Variants in DRAP1 observed in about 807,000 individuals in gnomAD.
DRAP1 encodes dr1-associated corepressor.
A neutral mutation model predicts 24.1 loss-of-function variants in DRAP1; 10 were observed. The ratio of observed to expected loss-of-function variants is 0.41; its 90% CI spans 0.26 to 0.70. The LOEUF is 0.70. Among genes scored for constraint, DRAP1 ranks in the 30% least tolerant of loss-of-function variants. DRAP1 has a pLI of 0.29. For missense variants in DRAP1, 264 were observed against 275.6 expected (o/e 0.96, Z 0.30); for synonymous variants, 122 against 113.8 (o/e 1.07, Z -0.46).
chr11:65,919,656 C>T lies in DRAP1; in HGVS notation c.42+113C>T, dbSNP rs1017592382. The T allele has an allele frequency of 7.9e-6, 12 of 1,513,506 alleles. 1 individual carries two copies. The South Asian group carries it at 1.2e-4, about 15-fold the overall frequency. The allele number at this position is 1,513,506 out of a possible 1,614,324, so 93.8% of individuals were successfully genotyped here. On this transcript the variant is annotated intron_variant, in intron 1 of 6. Coordinates refer to ENST00000312515, the MANE Select transcript of DRAP1 (RefSeq NM_006442.4). ...GTGTTCGGGGGCCTGGACGCCCCGCCCCCTCCATGCCCTCCCCGCGTCCGT... is the reference window on the plus strand; with the variant it reads ...GTGTTCGGGGGCCTGGACGCCCCGCTCCCTCCATGCCCTCCCCGCGTCCGT...
At chr11:65,920,180 T>C (rs1215922410) in intron 3 of DRAP1, 139 bp downstream of exon 3, 3 of 1,423,112 alleles carry the variant, frequency 2.1e-6, no homozygotes, top group Non-Finnish European at 2.9e-6. Flanking sequence ...GAGGAGAGGC[T>C]GGGCTTCCAG....
chr11:65,919,878 C>A, intron 2 of DRAP1, 26 bp downstream of exon 2: 2 of 1,613,288 alleles, frequency 1.2e-6, no homozygotes, highest in Non-Finnish European at 1.7e-6. Context: ...CGGACCGGGT[C>A]GAGGGGCGTG....
At chr11:65,921,269 T>C in intron 6 of DRAP1, 61 bp from the exon 7 acceptor site, 1 of 1,011,464 alleles carries the variant, frequency 9.9e-7, no homozygotes, top group Non-Finnish European at 1.5e-6. Context: ...TCTTGGCAGC[T>C]GCCCCTGTGG....
In DRAP1 at chr11:65,920,745, C is replaced by T. The variant is rs1854540033; in HGVS notation, c.423+83C>T. The T allele has an allele frequency of 2.8e-6, 4 of 1,445,700 alleles. No individual in the cohort carries two copies. In the African/African-American group the frequency reaches 4.4e-5, roughly 16 times the overall value. The allele number at this position is 1,445,700 out of a possible 1,614,324, so 89.6% of individuals were successfully genotyped here. ...CCAGGCTGAACTGGCAGGAGGCCAG[C>T]TCTCATCCTTTTCTGCAACCTGTTT... is the stretch of plus-strand genomic sequence containing the variant. On this transcript the variant is annotated intron_variant, in intron 5 of 6. Coordinates refer to ENST00000312515, the MANE Select transcript of DRAP1 (RefSeq NM_006442.4).
intron 6 of DRAP1, 162 bp downstream of exon 6, chr11:65,921,134 A>G: frequency 1.4e-6 from 1 of 691,736 alleles, no homozygotes; most frequent in Non-Finnish European, 2.4e-6. Context: ...TTCTCCCGAA[A>G]GATCCTGCTC....
intron 5 of DRAP1, 73 bp from the exon 6 acceptor site, chr11:65,920,811 C>T (rs748515357): frequency 4.0e-6 from 6 of 1,511,902 alleles, no homozygotes; most frequent in Non-Finnish European, 2.7e-6. Context: ...TGAGGGTCTA[C>T]TGCTGTCCCT....
intron 6 of DRAP1, 117 bp from the exon 7 acceptor site, chr11:65,921,213 T>C (rs1282124853): frequency 8.1e-6 from 6 of 742,852 alleles, no homozygotes; most frequent in Non-Finnish European, 1.3e-5. Flanking sequence ...CTTGGCCGCA[T>C]GGATCTGGAG....
At chr11:65,919,582 T>C (rs369509341) in intron 1 of DRAP1, 39 bp downstream of exon 1, 2 of 1,547,670 alleles carry the variant, frequency 1.3e-6, no homozygotes. Context: ...TGGGCCCGGC[T>C]CCCGGGTGGC....
chr11:65,920,088 G>C, intron 3 of DRAP1, 47 bp downstream of exon 3: 1 of 1,593,280 alleles, frequency 6.3e-7, no homozygotes, highest in Non-Finnish European at 8.6e-7. Flanking sequence ...GGCGCGGGGA[G>C]TTCACACACT....
At position 65,921,458 on chromosome 11, in the gene DRAP1, A is replaced by C; in HGVS notation, c.*23A>C. 3.9e-6 allele frequency: 5 copies of C among 1,289,204 alleles called. No individual in the cohort carries two copies. The highest frequency in any genetic ancestry group is 5.6e-6 in the Non-Finnish European group (5 of 892,112). 79.9% of individuals were successfully genotyped at this position (1,289,204 alleles called of 1,614,324 possible). On this transcript the variant is annotated 3_prime_UTR_variant, in exon 7 of 7. Transcript: ENST00000312515. ...TAGCGCCTTCTGCCCCCCAGACCATAGCCCCTTTTAGTTGGTTTTAGTTGC... is the reference window on the plus strand; with the variant it reads ...TAGCGCCTTCTGCCCCCCAGACCATCGCCCCTTTTAGTTGGTTTTAGTTGC...
intron 5 of DRAP1, 86 bp downstream of exon 5, chr11:65,920,748 TCA>T: frequency 7.0e-7 from 1 of 1,427,012 alleles, no homozygotes; most frequent in Non-Finnish European, 9.2e-7. Flanking sequence ...AGGCCAGCTC[TCA>T]TCCTTTTCTG....
Position 65,920,617 on chromosome 11 carries a change from G to C in DRAP1, c.378G>C (p.Thr126=), listed in dbSNP as rs138940221. The change falls in exon 5 of 7, where the codon ACG becomes ACC. Residue 126 remains threonine, a synonymous_variant. Transcript: ENST00000312515. ...SGGRKNGGMG[T]KSKDKKLSGT... ...GCCGGAAGAACGGTGGGATGGGAAC[G>C]AAAAGCAAGGACAAGAAGCTGTCCG... is the stretch of plus-strand genomic sequence containing the variant. 6.5e-7 allele frequency: 1 copy of C among 1,544,260 alleles called. No individual in the cohort carries two copies. The highest frequency in any genetic ancestry group is 1.4e-5 in the African/African-American group (1 of 73,226).
Position 65,919,964 on chromosome 11 carries a change from C to T in DRAP1, c.132C>T (p.Leu44=), listed in dbSNP as rs1187589507. The T allele has an allele frequency of 1.9e-6, 3 of 1,613,756 alleles. No homozygotes were observed. Among genetic ancestry groups the T allele is most frequent in the Admixed American group, 1.7e-5 (1 of 60,004 alleles). Residue 44 remains leucine, a synonymous_variant, in exon 3 of 7, where the codon CTC becomes CTT. Transcript: ENST00000312515. ...GCTCCTCAGCCCGGGCGCTCGAGCTCTTCCTAGAGTCGCTGTTGAAGAAGG... is the reference window on the plus strand; with the variant it reads ...GCTCCTCAGCCCGGGCGCTCGAGCTTTTCCTAGAGTCGCTGTTGAAGAAGG... ...VPVIISRALE[L]FLESLLKKAC...
chr11:65,920,224 C>T, intron 3 of DRAP1, 119 bp from the exon 4 acceptor site: 4 of 1,518,336 alleles, frequency 2.6e-6, no homozygotes, highest in Non-Finnish European at 3.6e-6. Flanking sequence ...GCAGGGCAGG[C>T]CCGGGAGCGG....
chr11:65,919,676 G>T, intron 1 of DRAP1, 104 bp from the exon 2 acceptor site: 1 of 1,526,346 alleles, frequency 6.6e-7, no homozygotes, highest in Non-Finnish European at 8.9e-7. Flanking sequence ...CCCTCCCCGC[G>T]TCCGTGTCCC....
At position 65,919,859 on chromosome 11, in the gene DRAP1, T is replaced by C; in HGVS notation, c.115+7T>C. ...GCGGTGCCTGTCATCATCTGTATCCTGCCGGGGGCGGACCGGGTCGAGGGG... is the reference window on the plus strand; with the variant it reads ...GCGGTGCCTGTCATCATCTGTATCCCGCCGGGGGCGGACCGGGTCGAGGGG... On this transcript the variant is annotated splice_region_variant and intron_variant, in intron 2 of 6. Coordinates refer to ENST00000312515, the MANE Select transcript of DRAP1 (RefSeq NM_006442.4). 6.2e-7 allele frequency: 1 copy of C among 1,613,100 alleles called. No individual in the cohort carries two copies. The highest frequency in any genetic ancestry group is 8.5e-7 in the Non-Finnish European group (1 of 1,179,906).
chr11:65,919,612 G>A, intron 1 of DRAP1, 69 bp downstream of exon 1: 2 of 1,543,298 alleles, frequency 1.3e-6, no homozygotes, highest in East Asian at 2.5e-5. Context: ...GTTCCCGCTG[G>A]GCAGGCGGGC....
At position 65,921,399 on chromosome 11, in the gene DRAP1, AC is replaced by A; in HGVS notation, c.584del (p.Pro195LeufsTer23). 1 of 1,610,600 alleles carries A rather than the reference AC, an allele frequency of 6.2e-7. No homozygotes were observed. The highest frequency in any genetic ancestry group is 8.5e-7 in the Non-Finnish European group (1 of 1,177,338). Reference sequence around the variant, plus strand: ...CCCCAGCGCCCCCGGGCCCCTCAGCACCTGATGAAGAGGACGAAGAAGATTA... The same window carrying A: ...CCCCAGCGCCCCCGGGCCCCTCAGCACTGATGAAGAGGACGAAGAAGATTA... ...LPPAPPGPSA[P>X]DEEDEEDYDS On this transcript the variant is annotated frameshift_variant, in exon 7 of 7. Transcript: ENST00000312515. LOFTEE classifies it high-confidence loss of function.
chr11:65,920,744 G>T, intron 5 of DRAP1, 82 bp downstream of exon 5: 1 of 1,449,604 alleles, frequency 6.9e-7, no homozygotes, highest in South Asian at 1.4e-5. Context: ...CAGGAGGCCA[G>T]CTCTCATCCT....
Sources: allele counts gnomAD v4.1 joint callset, GRCh38; gene constraint gnomAD v4.1.1; transcripts MANE v1.5; gene names NCBI Gene and HGNC (gene_info 2026-07-23, HGNC 2026-07-21).